The following RBFOX2 variants were observed in gnomAD, a reference collection of about 807,000 sequenced individuals.
The protein encoded by RBFOX2 is RNA binding protein fox-1 homolog 2.
A neutral mutation model predicts 49.1 loss-of-function variants in RBFOX2; 10 were observed. The observed-to-expected ratio is 0.20, with a 90% CI of 0.13 to 0.35. The LOEUF is 0.35. Ranked by LOEUF, RBFOX2 falls within the 10% of genes least tolerant of loss-of-function variation. The probability of loss-of-function intolerance (pLI) is 1.00; values close to 1 mark genes in which losing one functional copy is unlikely to be tolerated. For missense variants in RBFOX2, 323 were observed against 486.9 expected (o/e 0.66, Z 3.17); for synonymous variants, 183 against 187.4 (o/e 0.98, Z 0.19).
intron 1 of RBFOX2, among the ~76,000 whole-genome samples, chr22:35,850,193 T>TACACACACACACACACAC (rs58692076): frequency 4.7e-4 from 62 of 132,602 alleles, no homozygotes; most frequent in East Asian, 2.0e-3. Flanking sequence ...CTCTCTCTCA[T>TACACACACACACACACAC]ACACACACAC....
chr22:35,990,204 A>C (rs532171575), intron 1 of RBFOX2, among the ~76,000 whole-genome samples: 5 of 152,076 alleles, frequency 3.3e-5, no homozygotes, highest in African/African-American at 4.8e-5. Context: ...AAAACAAAAA[A>C]CACACACAGA....
intron 1 of RBFOX2, among the ~76,000 whole-genome samples, chr22:36,021,805 C>T (rs375565968): frequency 1.3e-5 from 2 of 152,204 alleles, no homozygotes; most frequent in African/African-American, 4.8e-5. Flanking sequence ...TGCTACTTTC[C>T]TAACTAGATC....
chr22:35,787,713 TCA>T (rs1210441502), intron 2 of RBFOX2, among the ~76,000 whole-genome samples: 2 of 152,220 alleles, frequency 1.3e-5, no homozygotes, highest in African/African-American at 4.8e-5. Flanking sequence ...AAGAAAAATC[TCA>T]GTCTACAACA....
chr22:35,783,557 G>A (rs780953482), intron 2 of RBFOX2, among the ~76,000 whole-genome samples: 4 of 152,050 alleles, frequency 2.6e-5, no homozygotes, highest in East Asian at 1.9e-4. Flanking sequence ...GGGGCACAGC[G>A]TGGAGGGGGT....
chr22:35,933,346 G>T (rs2149696547), intron 1 of RBFOX2, among the ~76,000 whole-genome samples: 1 of 152,266 alleles, frequency 6.6e-6, no homozygotes, highest in Non-Finnish European at 1.5e-5. Flanking sequence ...TATTAGTTGG[G>T]TTTTTTGTGT....
intron 8 of RBFOX2, among the ~76,000 whole-genome samples, chr22:35,760,349 A>G (rs1938350729): frequency 6.6e-6 from 1 of 152,232 alleles, no homozygotes. Flanking sequence ...GACTGCCATA[A>G]TAAGAGACAG....
intron 1 of RBFOX2, among the ~76,000 whole-genome samples, chr22:35,898,987 G>A (rs557115727): frequency 3.3e-4 from 50 of 151,924 alleles, no homozygotes; most frequent in African/African-American, 1.1e-3. Flanking sequence ...GCATGGTGGC[G>A]CATGCCTGTA....
intron 8 of RBFOX2, among the ~76,000 whole-genome samples, 175 bp from the exon 10 acceptor site, chr22:35,760,195 G>C (rs542196241): frequency 6.6e-6 from 1 of 152,272 alleles, no homozygotes; most frequent in East Asian, 1.9e-4. Context: ...CAGTGGGGAA[G>C]AAATGGAAAG....
intron 1 of RBFOX2, among the ~76,000 whole-genome samples, chr22:35,982,807 A>G (rs2057526693): frequency 6.6e-6 from 1 of 152,150 alleles, no homozygotes; most frequent in African/African-American, 2.4e-5. Context: ...AAAAAAAAAA[A>G]AACCACTAAT....
At chr22:35,776,556 G>T (rs1191573635) in intron 4 of RBFOX2, among the ~76,000 whole-genome samples, 1 of 152,166 alleles carries the variant, frequency 6.6e-6, no homozygotes, top group African/African-American at 2.4e-5. Context: ...TATAAACTCT[G>T]TTATCAATTC....
At position 35,759,854 on chromosome 22, in the gene RBFOX2, T is replaced by C. The variant is rs201122985; in HGVS notation, c.887+34A>G. 22 of 1,609,966 alleles carry C rather than the reference T, an allele frequency of 1.4e-5. No individual in the cohort carries two copies. In the East Asian group the frequency reaches 3.6e-4, roughly 26 times the overall value. ...TCTTTTTTGGTCCAACTGCTTATTTTAGAAACATACTGATTTTGGAATCTA... is the reference window on the plus strand; with the variant it reads ...TCTTTTTTGGTCCAACTGCTTATTTCAGAAACATACTGATTTTGGAATCTA... On this transcript the variant is annotated intron_variant, in intron 9 of 11. Coordinates refer to ENST00000405409, the Ensembl canonical transcript of RBFOX2. This position sits in a 1 kb window ranked among gnomAD's most constrained non-coding sequence, Gnocchi z 4.6.
intron 1 of RBFOX2, among the ~76,000 whole-genome samples, chr22:35,884,838 G>A (rs141289475): frequency 1.4e-4 from 21 of 152,266 alleles, no homozygotes; most frequent in East Asian, 1.2e-3. Flanking sequence ...TTGGTTAAGA[G>A]TACTGACTCT....
At chr22:35,809,176 T>G (rs533287638) in intron 2 of RBFOX2, among the ~76,000 whole-genome samples, 94 of 152,130 alleles carry the variant, frequency 6.2e-4, no homozygotes, top group Non-Finnish European at 1.0e-3. Context: ...TCTTTTAAAT[T>G]TCCTAACAGC....
intron 1 of RBFOX2, among the ~76,000 whole-genome samples, chr22:35,878,676 AGGAGTTCCTCCCACCTTG>A (rs1473120938): frequency 6.6e-6 from 1 of 152,230 alleles, no homozygotes; most frequent in Non-Finnish European, 1.5e-5. Context: ...CCTGGCCTCA[AGGAGTTCCTCCCACCTTG>A]GCCTCCCAAA....
At chr22:35,747,651 T>C (rs1933261888) in intron 9 of RBFOX2, 1 of 152,226 alleles carries the variant, frequency 6.6e-6, no homozygotes, top group Non-Finnish European at 1.5e-5. Flanking sequence ...ATTTATGAAA[T>C]AGAATTCATC....
chr22:35,744,196 C>T (rs368537797), exon 12 of RBFOX2: 2 of 1,608,726 alleles, frequency 1.2e-6, no homozygotes, highest in Non-Finnish European at 1.7e-6. Context: ...GCAGGGGTCT[C>T]ACGTCACTTC....
At chr22:35,752,915 G>C (rs927669008) in intron 9 of RBFOX2, among the ~76,000 whole-genome samples, 5 of 152,136 alleles carry the variant, frequency 3.3e-5, no homozygotes, top group Non-Finnish European at 5.9e-5. Flanking sequence ...ATCCTATCAC[G>C]GTAGGTCTTT....
At chr22:35,902,830 A>AAAC (rs1010717588) in intron 1 of RBFOX2, among the ~76,000 whole-genome samples, 19 of 150,880 alleles carry the variant, frequency 1.3e-4, no homozygotes, top group African/African-American at 3.7e-4. Context: ...AAAAAAAAAA[A>AAAC]ATTTAGAGAA....
exon 9 of RBFOX2, chr22:35,760,019 A>T: frequency 6.2e-7 from 1 of 1,613,810 alleles, no homozygotes; most frequent in Non-Finnish European, 8.5e-7. Context: ...GGAAGCCAGG[A>T]ACTAAAGGGA....
Sources: allele counts gnomAD v4.1 joint callset (sites outside exome capture counted in the v4.1 genomes callset), GRCh38; gene constraint gnomAD v4.1.1; non-coding constraint Gnocchi (gnomAD v3.1); transcripts MANE v1.5; gene names NCBI Gene and HGNC (gene_info 2026-07-23, HGNC 2026-07-21).